The following METAP1 variants were observed in gnomAD, a reference collection of about 807,000 sequenced individuals.
METAP1 encodes the protein methionine aminopeptidase 1.
Under a neutral mutation model 53.8 loss-of-function variants are expected in METAP1, and 28 were observed. That is an observed-to-expected ratio of 0.52 (90% CI 0.39 to 0.71). METAP1 has a LOEUF of 0.71. METAP1 is among the 30% of genes least tolerant of loss of function. The probability of loss-of-function intolerance (pLI) is 0.00; values close to 1 mark genes in which losing one functional copy is unlikely to be tolerated. For synonymous variants in METAP1, 181 were observed against 165.7 expected, an observed-to-expected ratio of 1.09 and a Z score of -0.71; for missense variants, 389 against 479.8, an observed-to-expected ratio of 0.81 and a Z score of 1.77.
At chr4:99,049,046 C>T (rs1726484553) in intron 9 of METAP1, among the ~76,000 whole-genome samples, 170 bp downstream of exon 9, 1 of 152,212 alleles carries the variant, frequency 6.6e-6, no homozygotes, top group African/African-American at 2.4e-5. Flanking sequence ...TCGTATCTTA[C>T]TCACATAATA....
chr4:99,050,950 C>A (rs1726651337), intron 9 of METAP1, among the ~76,000 whole-genome samples: 2 of 152,140 alleles, frequency 1.3e-5, no homozygotes, highest in African/African-American at 4.8e-5. Context: ...ATTAGCAGAC[C>A]ACCTAATTCT....
chr4:99,010,815 A>G (rs922578120), intron 1 of METAP1, among the ~76,000 whole-genome samples: 2 of 152,076 alleles, frequency 1.3e-5, no homozygotes, highest in Non-Finnish European at 2.9e-5. Flanking sequence ...ATGTCTCTCT[A>G]TTTGTGTTGC....
chr4:99,061,206 C>T lies in METAP1; in HGVS notation c.1050C>T (p.Asp350=), dbSNP rs142456262. ...ATGGTTGGACTGCGGTGACAAGAGA[C>T]GGAAAGCGGTCTGCTCAGTTTGAGC... ...WPDGWTAVTR[D]GKRSAQFEHT... is the part of the protein sequence containing the mutation. Residue 350 remains aspartate, a synonymous_variant, in exon 11 of 11, where the codon GAC becomes GAT. Transcript: ENST00000296411. 84 of 1,613,926 alleles carry T rather than the reference C, an allele frequency of 5.2e-5. No individual in the cohort carries two copies. Among genetic ancestry groups the T allele is most frequent in the African/African-American group, 4.5e-4 (34 of 75,044 alleles).
At chr4:99,003,559 A>C (rs1723021642) in intron 1 of METAP1, among the ~76,000 whole-genome samples, 1 of 152,220 alleles carries the variant, frequency 6.6e-6, no homozygotes, top group Non-Finnish European at 1.5e-5. Context: ...GATAGAGAAA[A>C]ATGTGAATGT....
In METAP1 at chr4:99,023,898, C is replaced by G. The variant is rs893202746; in HGVS notation, c.115-4969C>G. ...GAGTTACTTATTCATGCAGAGCCAG[C>G]TGTGTGGGAGATGGGAGTTTTATTA... is the stretch of plus-strand genomic sequence containing the variant. On this transcript the variant is annotated intron_variant, in intron 1 of 10. Transcript: ENST00000296411. 5.1e-6 allele frequency: 3 copies of G among 591,534 alleles called. No individual in the cohort carries two copies. The African/African-American group carries it at 6.1e-5, about 12-fold the overall frequency. The allele number at this position is 591,534 out of a possible 1,614,324, so 36.6% of individuals were successfully genotyped here.
chr4:99,012,664 T>G (rs186636268), intron 1 of METAP1, among the ~76,000 whole-genome samples: 11,745 of 148,398 alleles, frequency 0.079, 1,608 homozygotes, highest in African/African-American at 0.28. Context: ...TTTTTTTTTT[T>G]TTTTTTTTTT....
At chr4:99,061,084 T>G in intron 10 of METAP1, 70 bp from the exon 11 acceptor site, 1 of 1,513,906 alleles carries the variant, frequency 6.6e-7, no homozygotes, top group East Asian at 2.3e-5. Flanking sequence ...AATTTTTTCC[T>G]TGGCTTTCTT....
intron 1 of METAP1, among the ~76,000 whole-genome samples, chr4:99,028,049 CTT>C (rs1241880537): frequency 6.6e-6 from 1 of 151,734 alleles, no homozygotes; most frequent in African/African-American, 2.4e-5. Flanking sequence ...ATTTGTAAGA[CTT>C]TGTGAATTCT....
chr4:99,030,742 A>T (rs1291100853), intron 2 of METAP1, among the ~76,000 whole-genome samples: 4 of 151,944 alleles, frequency 2.6e-5, no homozygotes, highest in Non-Finnish European at 5.9e-5. Context: ...GAGATAACAC[A>T]TAGCAAGCAT....
At chr4:99,057,692 A>T in intron 9 of METAP1, 61 bp from the exon 10 acceptor site, 2 of 1,163,090 alleles carry the variant, frequency 1.7e-6, no homozygotes, top group Non-Finnish European at 2.5e-6. Context: ...CTTTCTAGTT[A>T]GCTGTTCAAC....
At chr4:99,040,948 T>G in intron 5 of METAP1, 95 bp from the exon 6 acceptor site, 3 of 542,946 alleles carry the variant, frequency 5.5e-6, no homozygotes, top group Non-Finnish European at 6.2e-6. Flanking sequence ...AAGGGGAGAT[T>G]CATTTTTACC....
rs574466018 is a variant in METAP1 at position 99,054,011 on chromosome 4, T to G, written c.932-3742T>G. Among the ~76,000 whole-genome samples, 27 of 152,118 alleles carry G rather than the reference T, an allele frequency of 1.8e-4. No individual in the cohort carries two copies. The South Asian group carries it at 5.2e-3, about 29-fold the overall frequency. Reference sequence around the variant, plus strand: ...AGAGCACAGGCAGAGTAGATTTCGCTTCATTCTTAAGGAATCTTTAGGAAT... The same window carrying G: ...AGAGCACAGGCAGAGTAGATTTCGCGTCATTCTTAAGGAATCTTTAGGAAT... On this transcript the variant is annotated intron_variant, in intron 9 of 10. Coordinates refer to ENST00000296411, the MANE Select transcript of METAP1 (RefSeq NM_015143.3).
rs185075537 is a variant in METAP1, at chr4:98,998,623, G to A, written c.114+2756G>A. Among the ~76,000 whole-genome samples, 260 of 152,306 alleles carry A rather than the reference G, an allele frequency of 1.7e-3. 3 individuals carry two copies. Among genetic ancestry groups the A allele is most frequent in the African/African-American group, 5.7e-3 (236 of 41,570 alleles). On this transcript the variant is annotated intron_variant, in intron 1 of 10. Coordinates refer to ENST00000296411, the MANE Select transcript of METAP1 (RefSeq NM_015143.3). ...TCACTAGGAGGTCTTTCTTTCTACT[G>A]CTCTGGTCCCTGGCCTGGCTGTCTG...
At chr4:99,061,063 T>C in intron 10 of METAP1, 91 bp from the exon 11 acceptor site, 1 of 1,344,250 alleles carries the variant, frequency 7.4e-7, no homozygotes, top group East Asian at 2.4e-5. Flanking sequence ...TAAATAAGGA[T>C]CTTAGTAGTG....
In METAP1 at chr4:99,034,227, C is replaced by A; in HGVS notation, c.167-3C>A. 1 of 1,529,636 alleles carries A rather than the reference C, an allele frequency of 6.5e-7. No homozygotes were observed. The highest frequency in any genetic ancestry group is 1.2e-5 in the South Asian group (1 of 83,512). The allele number at this position is 1,529,636 out of a possible 1,614,324, so 94.8% of individuals were successfully genotyped here. On this transcript the variant is annotated splice_polypyrimidine_tract_variant and splice_region_variant and intron_variant, in intron 2 of 10. Transcript: ENST00000296411. ...CTCTCATATCTATTCCTCCGTCTCC[C>A]AGAAGATGAAAAGGCGAAGCGAGAA...
chr4:99,026,751 T>G (rs1724594540), intron 1 of METAP1: 1 of 985,284 alleles, frequency 1.0e-6, no homozygotes, highest in Admixed American at 6.2e-5. Flanking sequence ...TTATTTAGGC[T>G]TAGAGAGTTC....
intron 1 of METAP1, among the ~76,000 whole-genome samples, chr4:99,018,923 T>C (rs892368695): frequency 6.6e-6 from 1 of 152,198 alleles, no homozygotes; most frequent in Non-Finnish European, 1.5e-5. Flanking sequence ...ACTCCCTTGC[T>C]TTCCTTCTCT....
In METAP1 at chr4:98,999,106, C is replaced by T. The variant is rs116544169; in HGVS notation, c.114+3239C>T. 3.3e-3 allele frequency among the ~76,000 whole-genome samples: 499 copies of T among 152,154 alleles called. 5 individuals are homozygous for T. The highest frequency in any genetic ancestry group is 0.011 in the African/African-American group (461 of 41,504). ...ACAGGCGTGAGCCACCATGCCCGGC[C>T]GAGAATGTCTGTTTTTTAGTCGGAA... On this transcript the variant is annotated intron_variant, in intron 1 of 10. Transcript: ENST00000296411.
chr4:99,030,883 T>C (rs1410923442), intron 2 of METAP1, among the ~76,000 whole-genome samples: 1 of 152,030 alleles, frequency 6.6e-6, no homozygotes, highest in Non-Finnish European at 1.5e-5. Context: ...GGTTTTGGTA[T>C]TGGAGCAATT....
Sources: allele counts gnomAD v4.1 joint callset (sites outside exome capture counted in the v4.1 genomes callset), GRCh38; gene constraint gnomAD v4.1.1; transcripts MANE v1.5; gene names NCBI Gene and HGNC (gene_info 2026-07-23, HGNC 2026-07-21).